The following FKBP5 variants were observed in gnomAD, a reference collection of about 807,000 sequenced individuals.
FKBP5 encodes the protein FKBP prolyl isomerase 5.
FKBP5 carries 23 observed loss-of-function variants against 50.5 expected under a neutral mutation model. That is an observed-to-expected ratio of 0.46 (90% CI 0.33 to 0.65). The LOEUF is 0.65. Ranked by LOEUF, FKBP5 falls within the 30% of genes least tolerant of loss-of-function variation. FKBP5 has a pLI of 0.02. For synonymous variants in FKBP5, 176 were observed against 190.6 expected (o/e 0.92, Z 0.63); for missense variants, 411 against 553.1 (o/e 0.74, Z 2.58).
At chr6:35,577,967 T>C (rs1164824021) in intron 9 of FKBP5, among the ~76,000 whole-genome samples, 2 of 150,458 alleles carry the variant, frequency 1.3e-5, no homozygotes, top group African/African-American at 2.5e-5. Context: ...GGCAGGAGAA[T>C]TGCTTGAACC....
chr6:35,664,688 A>G (rs2151001146), intron 1 of FKBP5: 1 of 154,240 alleles, frequency 6.5e-6, no homozygotes, highest in African/African-American at 2.4e-5. Flanking sequence ...AGTTGTCCCC[A>G]TCAACCACTT....
At chr6:35,693,094 A>G (rs1252538798), upstream of FKBP5, among the ~76,000 whole-genome samples, 1 of 149,764 alleles carries the variant, frequency 6.7e-6, no homozygotes, top group African/African-American at 2.4e-5. Context: ...AAAAAAAAAA[A>G]AAAATCTCAT....
intron 1 of FKBP5, among the ~76,000 whole-genome samples, chr6:35,672,819 AGTCG>A (rs1263073777): frequency 6.6e-6 from 1 of 151,832 alleles, no homozygotes; most frequent in East Asian, 1.9e-4. Flanking sequence ...AGCCCAAGCT[AGTCG>A]GGGGGCTGAG....
intron 1 of FKBP5, among the ~76,000 whole-genome samples, chr6:35,677,079 GTTGTT>G (rs1237250686): frequency 1.3e-5 from 2 of 152,116 alleles, no homozygotes; most frequent in African/African-American, 2.4e-5. Context: ...GTTTTGTTGT[GTTGTT>G]TTGTTTTAAG....
At chr6:35,591,392 T>A (rs1315079451) in intron 6 of FKBP5, among the ~76,000 whole-genome samples, 172 bp from the exon 7 acceptor site, 1 of 152,240 alleles carries the variant, frequency 6.6e-6, no homozygotes, top group African/African-American at 2.4e-5. Flanking sequence ...TCTTCACTGC[T>A]ACAGTTTTCT....
chr6:35,607,081 G>A (rs1205047138), intron 5 of FKBP5, among the ~76,000 whole-genome samples: 1 of 152,054 alleles, frequency 6.6e-6, no homozygotes, highest in Non-Finnish European at 1.5e-5. Context: ...GGGACTACAG[G>A]CGCCCACCAC....
At chr6:35,616,314 C>CAAAAAAAAAAAAAAAAA (rs34779549) in intron 5 of FKBP5, among the ~76,000 whole-genome samples, 1 of 57,452 alleles carries the variant, frequency 1.7e-5, no homozygotes. Flanking sequence ...GACTCCATCT[C>CAAAAAAAAAAAAAAAAA]AAAAAAAAAA....
At chr6:35,610,002 A>G (rs555642919) in intron 5 of FKBP5, among the ~76,000 whole-genome samples, 1 of 152,284 alleles carries the variant, frequency 6.6e-6, no homozygotes, top group Admixed American at 6.5e-5. Flanking sequence ...TGGCCGTATT[A>G]TAAAGGAAGG....
At chr6:35,642,489 T>TG (rs1223117366) in intron 2 of FKBP5, among the ~76,000 whole-genome samples, 6 of 152,128 alleles carry the variant, frequency 3.9e-5, no homozygotes, top group African/African-American at 1.4e-4. Context: ...GAAGCTGAGA[T>TG]GGGAAGATCA....
At chr6:35,705,152 C>G (rs1282520814) in intron 2 of FKBP5, among the ~76,000 whole-genome samples, 1 of 144,684 alleles carries the variant, frequency 6.9e-6, no homozygotes, top group African/African-American at 2.5e-5. Flanking sequence ...AAAACAACAA[C>G]AACAACAACA....
chr6:35,728,432 C>A (rs1281059711), intron 1 of FKBP5: 2 of 152,302 alleles, frequency 1.3e-5, no homozygotes, highest in East Asian at 3.9e-4. Context: ...GGGAGAAGCA[C>A]TCTCCTCACC....
At chr6:35,650,722 C>T (rs887547905) in intron 1 of FKBP5, among the ~76,000 whole-genome samples, 4 of 152,100 alleles carry the variant, frequency 2.6e-5, no homozygotes, top group South Asian at 2.1e-4. Context: ...GTGACCCGCC[C>T]GCCTCAGCCT....
chr6:35,656,898 A>AC (rs1315787402), intron 1 of FKBP5, among the ~76,000 whole-genome samples: 6 of 145,134 alleles, frequency 4.1e-5, no homozygotes, highest in African/African-American at 1.5e-4. Flanking sequence ...TCCGTCTCAA[A>AC]AAAAAAAAAA....
chr6:35,614,163 G>A (rs1271952011), intron 5 of FKBP5, among the ~76,000 whole-genome samples: 1 of 151,976 alleles, frequency 6.6e-6, no homozygotes, highest in Non-Finnish European at 1.5e-5. Flanking sequence ...CAAAGTGCTG[G>A]GATTACAGGT....
intron 3 of FKBP5, among the ~76,000 whole-genome samples, chr6:35,624,022 A>G (rs1410191203): frequency 6.6e-6 from 1 of 151,912 alleles, no homozygotes; most frequent in Non-Finnish European, 1.5e-5. Flanking sequence ...TTTTTAAGAG[A>G]CAGGGTCTTG....
intron 9 of FKBP5, 125 bp downstream of exon 9, chr6:35,579,911 T>G: frequency 1.5e-6 from 1 of 679,654 alleles, no homozygotes; most frequent in Non-Finnish European, 2.4e-6. Flanking sequence ...ATCCCAAACA[T>G]TCAAATAAAT....
chr6:35,601,645 G>T (rs895146453), intron 5 of FKBP5, among the ~76,000 whole-genome samples: 1 of 152,112 alleles, frequency 6.6e-6, no homozygotes, highest in East Asian at 1.9e-4. Flanking sequence ...TTTTGACCTG[G>T]CATCTTTTAG....
chr6:35,575,694 A>G lies in FKBP5; in HGVS notation c.*141T>C, dbSNP rs1036659646. The G allele has an allele frequency of 4.4e-6, 3 of 683,192 alleles. No homozygotes were observed. The African/African-American group carries it at 5.3e-5, about 12-fold the overall frequency. The allele number at this position is 683,192 out of a possible 1,614,324, so 42.3% of individuals were successfully genotyped here. ...AGCAGCAGGGGGGCTGTTTTTGGGAAGCTACTGGTTTTGCCATTTGCTTCC... is the reference window on the plus strand; with the variant it reads ...AGCAGCAGGGGGGCTGTTTTTGGGAGGCTACTGGTTTTGCCATTTGCTTCC... On this transcript the variant is annotated 3_prime_UTR_variant, in exon 11 of 11. Coordinates refer to ENST00000357266, the MANE Select transcript of FKBP5 (RefSeq NM_004117.4).
intron 1 of FKBP5, among the ~76,000 whole-genome samples, chr6:35,669,338 T>C (rs552230420): frequency 6.6e-6 from 1 of 152,330 alleles, no homozygotes; most frequent in South Asian, 2.1e-4. Flanking sequence ...AATAATCTGT[T>C]GCCTTTTTTT....
Sources: gnomAD v4.1 joint callset for allele counts (sites outside exome capture counted in the v4.1 genomes callset) on GRCh38, gnomAD v4.1.1 for gene constraint, MANE v1.5 for transcripts, NCBI Gene and HGNC (gene_info 2026-07-23, HGNC 2026-07-21) for gene names.